Variants in SMARCA5 observed in about 807,000 individuals in gnomAD.
The protein encoded by SMARCA5 is SNF2 related chromatin remodeling ATPase 5.
In SMARCA5, 18 loss-of-function variants were observed where a neutral mutation model predicts 140.4. The ratio of observed to expected loss-of-function variants is 0.13; its 90% CI spans 0.09 to 0.19. SMARCA5 has a LOEUF of 0.19. SMARCA5 is among the 10% of genes least tolerant of loss of function. The pLI, the probability that SMARCA5 is intolerant of heterozygous loss-of-function variation, is 1.00. For missense variants in SMARCA5, 606 were observed against 1,276.8 expected, an observed-to-expected ratio of 0.47 and a Z score of 8.01; for synonymous variants, 449 against 419.6, an observed-to-expected ratio of 1.07 and a Z score of -0.86.
chr4:143,537,184 CAGAA>C (rs1737325158), intron 11 of SMARCA5, among the ~76,000 whole-genome samples: 1 of 152,156 alleles, frequency 6.6e-6, no homozygotes, highest in East Asian at 1.9e-4. Flanking sequence ...TACACGAATG[CAGAA>C]AGAACTTAGA....
Position 143,553,049 on chromosome 4 carries a change from T to C in SMARCA5, c.3094-70T>C, listed in dbSNP as rs925942752. The C allele has an allele frequency of 7.0e-6, 8 of 1,139,066 alleles. 1 individual carries two copies. The highest frequency in any genetic ancestry group is 3.7e-5 in the South Asian group (3 of 80,942). 70.6% of individuals were successfully genotyped at this position (1,139,066 alleles called of 1,614,324 possible). ...AGTAGTTGTTATTACTAAAGTGTTA[T>C]AATGTGTCTGCAACTATATTTCATG... On this transcript the variant is annotated intron_variant, in intron 23 of 23. Coordinates refer to ENST00000283131, the MANE Select transcript of SMARCA5 (RefSeq NM_003601.4).
chr4:143,533,630 C>G (rs768931339), intron 9 of SMARCA5, among the ~76,000 whole-genome samples: 4 of 151,528 alleles, frequency 2.6e-5, no homozygotes, highest in Non-Finnish European at 5.9e-5. Context: ...GTCTCAGCCT[C>G]CCAAGTAGCT....
At chr4:143,547,055 C>A in intron 20 of SMARCA5, 147 bp downstream of exon 20, 1 of 813,690 alleles carries the variant, frequency 1.2e-6, no homozygotes, top group Non-Finnish European at 1.8e-6. Flanking sequence ...AGAAAATGTT[C>A]TGTTTCCAGA....
chr4:143,543,490 C>T lies in SMARCA5; in HGVS notation c.1904-19C>T. On this transcript the variant is annotated intron_variant, in intron 14 of 23. Coordinates refer to ENST00000283131, the MANE Select transcript of SMARCA5 (RefSeq NM_003601.4). ...TAAAGTCTGTTCAGTTAACATTATA[C>T]AACACAATCTTTTTTCAGGGAGGCT... is the stretch of plus-strand genomic sequence containing the variant. 2 of 1,608,576 alleles carry T rather than the reference C, an allele frequency of 1.2e-6. No individual in the cohort carries two copies. The highest frequency in any genetic ancestry group is 2.2e-5 in the South Asian group (2 of 90,570).
At position 143,514,331 on chromosome 4, in the gene SMARCA5, T is replaced by C. The variant is rs1736777050; in HGVS notation, c.177+230T>C. Reference sequence around the variant, plus strand: ...CTCACATTTAAATTATTTGTCTCTTTCGTGAATCCTGACAAATATTTGAAC... The same window carrying C: ...CTCACATTTAAATTATTTGTCTCTTCCGTGAATCCTGACAAATATTTGAAC... On this transcript the variant is annotated intron_variant, in intron 1 of 23. Coordinates refer to ENST00000283131, the MANE Select transcript of SMARCA5 (RefSeq NM_003601.4). The C allele has an allele frequency of 8.1e-6, 4 of 493,836 alleles. No individual in the cohort carries two copies. In the South Asian group the frequency reaches 1.3e-4, roughly 16 times the overall value. 30.6% of individuals were successfully genotyped at this position (493,836 alleles called of 1,614,324 possible).
rs1261921204 is a variant in SMARCA5, at chr4:143,513,765, G to A, written c.-160G>A. On this transcript the variant is annotated 5_prime_UTR_variant, in exon 1 of 24. Coordinates refer to ENST00000283131, the MANE Select transcript of SMARCA5 (RefSeq NM_003601.4). ...TTGGGAGTGTGCAGCTCCTGGGCCCGGCTCAGGCCCGTCGCGGAGGCGCGG... is the reference window on the plus strand; with the variant it reads ...TTGGGAGTGTGCAGCTCCTGGGCCCAGCTCAGGCCCGTCGCGGAGGCGCGG... 5.2e-6 allele frequency: 4 copies of A among 769,698 alleles called. No homozygotes were observed. Among genetic ancestry groups the A allele is most frequent in the Non-Finnish European group, 8.1e-6 (4 of 493,746 alleles). 47.7% of individuals were successfully genotyped at this position (769,698 alleles called of 1,614,324 possible).
At position 143,555,713 on chromosome 4, in the gene SMARCA5, A is replaced by G. The variant is rs4834993; in HGVS notation, c.*2529A>G. ...CACCCAGGCTGGAGTGCAGTGGTGCAATCACAGCTCACTGCAACCTCAAAC... is the reference window on the plus strand; with the variant it reads ...CACCCAGGCTGGAGTGCAGTGGTGCGATCACAGCTCACTGCAACCTCAAAC... On this transcript the variant is annotated 3_prime_UTR_variant, in exon 24 of 24. Transcript: ENST00000283131. 185,023 of 185,686 alleles carry G rather than the reference A, an allele frequency of 1. 92,186 individuals are homozygous for G. The highest frequency in any genetic ancestry group is 1 in the Middle Eastern group (406 of 406). The allele number at this position is 185,686 out of a possible 1,614,324, so 11.5% of individuals were successfully genotyped here.
At chr4:143,549,468 G>C (rs1456851488) in intron 22 of SMARCA5, among the ~76,000 whole-genome samples, 1 of 152,048 alleles carries the variant, frequency 6.6e-6, no homozygotes, top group Non-Finnish European at 1.5e-5. Flanking sequence ...TGTATGTCCA[G>C]TTTGCCAGAG....
At chr4:143,519,424 T>G (rs1243890436) in intron 2 of SMARCA5, among the ~76,000 whole-genome samples, 1 of 152,154 alleles carries the variant, frequency 6.6e-6, no homozygotes, top group African/African-American at 2.4e-5. Flanking sequence ...TCTTATGATC[T>G]GGCCCCTTCC....
chr4:143,529,292 A>G (rs1737134966), intron 8 of SMARCA5, among the ~76,000 whole-genome samples: 1 of 152,086 alleles, frequency 6.6e-6, no homozygotes, highest in Non-Finnish European at 1.5e-5. Flanking sequence ...TGTCACTCCT[A>G]TTTGGTAAGT....
chr4:143,540,948 C>T (rs983128427), intron 14 of SMARCA5, among the ~76,000 whole-genome samples: 4 of 152,160 alleles, frequency 2.6e-5, no homozygotes, highest in African/African-American at 7.2e-5. Flanking sequence ...CTGCAATTTA[C>T]TGAGTACCCA....
chr4:143,532,554 A>G (rs945160338), intron 9 of SMARCA5, among the ~76,000 whole-genome samples: 1 of 152,190 alleles, frequency 6.6e-6, no homozygotes, highest in Non-Finnish European at 1.5e-5. Flanking sequence ...TGAAGTTTCT[A>G]CAGTAGCACC....
Position 143,540,400 on chromosome 4 carries a change from G to C in SMARCA5, c.1808G>C (p.Arg603Thr). The C allele has an allele frequency of 1.9e-6, 3 of 1,612,216 alleles. No individual in the cohort carries two copies. Among genetic ancestry groups the C allele is most frequent in the Non-Finnish European group, 2.5e-6 (3 of 1,178,642 alleles). Reference protein sequence around the residue: ...AHRIGQTKTVRVFRFITDNTV... With the variant: ...AHRIGQTKTVTVFRFITDNTV... The stretch of plus-strand genomic sequence containing the variant: ...AGAATTGGGCAGACTAAGACAGTCA[G>C]AGTGTTCCGCTTTATAACTGATAAC... The change falls in exon 14 of 24, where the codon AGA becomes ACA. Residue 603 changes from arginine (R) to threonine (T), a missense_variant. Around this residue, in one of 10 missense-constraint regions of SMARCA5, gnomAD observed 62 missense variants for 256.6 expected, o/e 0.24. Transcript: ENST00000283131.
chr4:143,551,740 C>T (rs955734365), intron 23 of SMARCA5, among the ~76,000 whole-genome samples: 5 of 151,908 alleles, frequency 3.3e-5, no homozygotes, highest in African/African-American at 1.2e-4. Context: ...TCTCTGGGTT[C>T]TCTGTTCTTT....
chr4:143,544,504 T>C, intron 16 of SMARCA5: 1 of 326,672 alleles, frequency 3.1e-6, no homozygotes, highest in Non-Finnish European at 5.5e-6. Flanking sequence ...TTCTCCCTCA[T>C]TTAACAGTTG....
At chr4:143,524,315 T>A in intron 3 of SMARCA5, 52 bp from the exon 4 acceptor site, 1 of 1,297,490 alleles carries the variant, frequency 7.7e-7, no homozygotes, top group Admixed American at 2.1e-5. Context: ...AAACAGTAGC[T>A]GATAATTAAA....
At chr4:143,533,808 C>T (rs1028705861) in intron 9 of SMARCA5, among the ~76,000 whole-genome samples, 6 of 152,158 alleles carry the variant, frequency 3.9e-5, no homozygotes, top group Non-Finnish European at 8.8e-5. Context: ...AGTCTGCATG[C>T]AAGTAACTAG....
Position 143,525,621 on chromosome 4 carries a change from T to TC in SMARCA5, c.621+71dup, listed in dbSNP as rs1737053015. 1.4e-5 allele frequency: 15 copies of TC among 1,069,670 alleles called. No homozygotes were observed. In the South Asian group the frequency reaches 1.9e-4, roughly 14 times the overall value. The allele number at this position is 1,069,670 out of a possible 1,614,324, so 66.3% of individuals were successfully genotyped here. On this transcript the variant is annotated intron_variant, in intron 5 of 23. Coordinates refer to ENST00000283131, the MANE Select transcript of SMARCA5 (RefSeq NM_003601.4). The stretch of plus-strand genomic sequence containing the variant: ...AATATCTTATACGTTGATAAAAGTT[T>TC]CTTACAGTCTACAACTGTTAGCAAA...
At chr4:143,514,261 C>G (rs1355544843) in intron 1 of SMARCA5, 160 bp downstream of exon 1, 1 of 658,778 alleles carries the variant, frequency 1.5e-6, no homozygotes. Flanking sequence ...CTCTTGCTCC[C>G]TTGTTCTTAC....
Sources: gnomAD v4.1 joint callset for allele counts (sites outside exome capture counted in the v4.1 genomes callset) on GRCh38, gnomAD v4.1.1 for gene constraint, gnomAD v4.1.1 regional missense constraint, MANE v1.5 for transcripts, NCBI Gene and HGNC (gene_info 2026-07-23, HGNC 2026-07-21) for gene names.